The following PPP1R37 variants were observed in gnomAD, a reference collection of about 807,000 sequenced individuals.
PPP1R37 encodes protein phosphatase 1 regulatory subunit 37.
A neutral mutation model predicts 61.0 loss-of-function variants in PPP1R37; 21 were observed. The ratio of observed to expected loss-of-function variants is 0.34; its 90% confidence interval spans 0.24 to 0.50. The LOEUF (loss-of-function observed/expected upper bound fraction) is 0.50, where lower values mean the gene tolerates loss of function less well. PPP1R37 is among the 20% of genes least tolerant of loss of function. PPP1R37 has a pLI of 0.98. For synonymous variants in PPP1R37, 443 were observed against 433.5 expected (o/e 1.02, Z -0.27); for missense variants, 910 against 952.7 (o/e 0.96, Z 0.59).
chr19:45,106,807 CTTTTTTTTTTTTTT>C (rs927426410), intron 1 of PPP1R37, among the ~76,000 whole-genome samples: 3 of 78,112 alleles, frequency 3.8e-5, no homozygotes, highest in South Asian at 4.3e-4. Flanking sequence ...TGTTGAGCAT[CTTTTTTTTTTTTTT>C]TTTTTTTTTT....
intron 1 of PPP1R37, among the ~76,000 whole-genome samples, chr19:45,115,489 G>C (rs1045651038): frequency 6.6e-6 from 1 of 152,156 alleles, no homozygotes; most frequent in Admixed American, 6.5e-5. Context: ...TCAAGGGTTT[G>C]GCTAAGAGTG....
chr19:45,104,902 C>T (rs1371348866), intron 1 of PPP1R37, among the ~76,000 whole-genome samples: 1 of 152,200 alleles, frequency 6.6e-6, no homozygotes, highest in Non-Finnish European at 1.5e-5. Flanking sequence ...GTGGCTCTCA[C>T]TAATCTTTCA....
At chr19:45,112,725 C>G (rs1363548747) in intron 1 of PPP1R37, among the ~76,000 whole-genome samples, 2 of 152,178 alleles carry the variant, frequency 1.3e-5, no homozygotes, top group Non-Finnish European at 2.9e-5. Flanking sequence ...GGTCTGCCTT[C>G]CCGACTGGAC....
chr19:45,113,424 G>A (rs183256778), intron 1 of PPP1R37, among the ~76,000 whole-genome samples: 146 of 152,310 alleles, frequency 9.6e-4, no homozygotes, highest in African/African-American at 3.2e-3. Context: ...CACGAGGTAG[G>A]TGGAATTGCT....
intron 1 of PPP1R37, among the ~76,000 whole-genome samples, chr19:45,099,439 T>C (rs1968034219): frequency 6.6e-6 from 1 of 152,250 alleles, no homozygotes; most frequent in African/African-American, 2.4e-5. Context: ...CTGATGACTT[T>C]GGACAAGTTG....
At position 45,093,389 on chromosome 19, in the gene PPP1R37, C is replaced by T; in HGVS notation, c.64C>T (p.Pro22Ser). 6 of 1,532,906 alleles carry T rather than the reference C, an allele frequency of 3.9e-6. No individual in the cohort carries two copies. The highest frequency in any genetic ancestry group is 4.4e-6 in the Non-Finnish European group (5 of 1,145,206). The allele number at this position is 1,532,906 out of a possible 1,614,324, so 95.0% of individuals were successfully genotyped here. Residue 22 changes from proline to serine, a missense_variant, in exon 1 of 13, where the codon CCA (proline) becomes TCA (serine). Around this residue, in one of 3 missense-constraint regions of PPP1R37, gnomAD observed 81 missense variants for 65.4 expected, o/e 1.24. Transcript: ENST00000221462. ...PGADGDIEEA[P>S]AEAGSPSPAS... ...CGCGGACGGCGACATTGAAGAGGCCCCAGCTGAGGCCGGGTCTCCCAGCCC... is the reference window on the plus strand; with the variant it reads ...CGCGGACGGCGACATTGAAGAGGCCTCAGCTGAGGCCGGGTCTCCCAGCCC...
At chr19:45,128,958 GA>G in intron 1 of PPP1R37, 1 of 775,038 alleles carries the variant, frequency 1.3e-6, no homozygotes, top group Non-Finnish European at 2.2e-6. Context: ...CCGCTGTGGA[GA>G]AGGGACCCTG....
Position 45,146,475 on chromosome 19 carries a change from C to T in PPP1R37, c.*3C>T. The T allele has an allele frequency of 6.5e-7, 1 of 1,535,036 alleles. No individual in the cohort carries two copies. The highest frequency in any genetic ancestry group is 8.7e-7 in the Non-Finnish European group (1 of 1,146,128). ...AATCCGGGCAGGAGACACTGTGACA[C>T]TTTAGGTGAGGCCAGGCCCGGGGCC... On this transcript the variant is annotated 3_prime_UTR_variant, in exon 12 of 13. Transcript: ENST00000221462.
intron 1 of PPP1R37, among the ~76,000 whole-genome samples, chr19:45,126,448 C>G (rs1455681970): frequency 1.3e-5 from 2 of 152,150 alleles, no homozygotes; most frequent in African/African-American, 4.8e-5. Context: ...GGGATTGGAA[C>G]CCAGGCGCCT....
intron 1 of PPP1R37, among the ~76,000 whole-genome samples, chr19:45,099,524 G>C (rs767867112): frequency 6.6e-6 from 1 of 152,208 alleles, no homozygotes; most frequent in Non-Finnish European, 1.5e-5. Flanking sequence ...GTTGGAGCAT[G>C]ATCAGGTTAG....
At chr19:45,111,698 C>T (rs1050573217) in intron 1 of PPP1R37, among the ~76,000 whole-genome samples, 4 of 152,094 alleles carry the variant, frequency 2.6e-5, no homozygotes, top group African/African-American at 9.7e-5. Context: ...CATTAACTCA[C>T]CTCTGCCTGT....
At chr19:45,141,252 T>A in intron 4 of PPP1R37, 70 bp from the exon 5 acceptor site, 2 of 1,441,648 alleles carry the variant, frequency 1.4e-6, no homozygotes, top group Non-Finnish European at 9.1e-7. Context: ...TGGGGCCCGG[T>A]GTCAGGGCCC....
chr19:45,104,219 G>A (rs1212460139), intron 1 of PPP1R37, among the ~76,000 whole-genome samples: 1 of 152,176 alleles, frequency 6.6e-6, no homozygotes, highest in Non-Finnish European at 1.5e-5. Context: ...GGTTCCCATG[G>A]CGCCTCCTCG....
At chr19:45,137,371 G>A (rs913130260) in intron 1 of PPP1R37, among the ~76,000 whole-genome samples, 3 of 152,232 alleles carry the variant, frequency 2.0e-5, no homozygotes, top group Non-Finnish European at 2.9e-5. Flanking sequence ...GAAGCCAACC[G>A]CAGAAGGCCA....
At chr19:45,112,007 C>G (rs944758442) in intron 1 of PPP1R37, among the ~76,000 whole-genome samples, 1 of 151,340 alleles carries the variant, frequency 6.6e-6, no homozygotes, top group Middle Eastern at 3.4e-3. Context: ...CTCGCTCTGT[C>G]GTCCAGGCTG....
intron 1 of PPP1R37, among the ~76,000 whole-genome samples, chr19:45,114,180 T>C (rs1286314601): frequency 6.6e-6 from 1 of 152,254 alleles, no homozygotes; most frequent in Admixed American, 6.5e-5. Context: ...AGCCATTGCC[T>C]GTGTCAACTG....
At chr19:45,099,489 C>T (rs1335285710) in intron 1 of PPP1R37, among the ~76,000 whole-genome samples, 1 of 152,234 alleles carries the variant, frequency 6.6e-6, no homozygotes, top group Non-Finnish European at 1.5e-5. Context: ...GGAGCGGGGG[C>T]TCCACCACCC....
chr19:45,094,176 G>A (rs1967961570), intron 1 of PPP1R37, among the ~76,000 whole-genome samples: 1 of 152,194 alleles, frequency 6.6e-6, no homozygotes, highest in African/African-American at 2.4e-5. Context: ...TTGAGACAAG[G>A]TCTCACTACA....
At chr19:45,144,739 G>C in intron 8 of PPP1R37, 115 bp from the exon 9 acceptor site, 1 of 910,858 alleles carries the variant, frequency 1.1e-6, no homozygotes, top group Admixed American at 2.9e-5. Context: ...GCAGGCGCGC[G>C]AAAGAAAAGG....
Sources: allele counts gnomAD v4.1 joint callset (sites outside exome capture counted in the v4.1 genomes callset), GRCh38; gene constraint gnomAD v4.1.1; regional missense constraint gnomAD v4.1.1; transcripts MANE v1.5; gene names NCBI Gene and HGNC (gene_info 2026-07-23, HGNC 2026-07-21).